Variants in TIAM1 observed in about 807,000 individuals in gnomAD.
TIAM1 encodes the protein rho guanine nucleotide exchange factor TIAM1.
TIAM1 carries 65 observed loss-of-function variants against 163.5 expected under a neutral mutation model. The ratio of observed to expected loss-of-function variants is 0.40; its 90% CI spans 0.33 to 0.49. The LOEUF (loss-of-function observed/expected upper bound fraction) is 0.49. Among genes scored for constraint, TIAM1 ranks in the 20% least tolerant of loss-of-function variants. TIAM1 has a pLI of 0.77. For missense variants in TIAM1, 1,789 were observed against 2,044.7 expected, an observed-to-expected ratio of 0.87 and a Z score of 2.41; for synonymous variants, 833 against 810.1, an observed-to-expected ratio of 1.03 and a Z score of -0.48.
intron 2 of TIAM1, among the ~76,000 whole-genome samples, chr21:31,413,431 G>A (rs372907698): frequency 6.5e-4 from 98 of 151,884 alleles, no homozygotes; most frequent in African/African-American, 2.2e-3. Context: ...CAACATGCCC[G>A]GCTAATTTTT....
At chr21:31,480,314 CTTTG>C (rs1472007375) in intron 1 of TIAM1, among the ~76,000 whole-genome samples, 2 of 152,196 alleles carry the variant, frequency 1.3e-5, no homozygotes, top group Non-Finnish European at 1.5e-5. Flanking sequence ...CACTGGCCCA[CTTTG>C]TTTATTTCTT....
intron 20 of TIAM1, among the ~76,000 whole-genome samples, chr21:31,144,370 T>C (rs982566507): frequency 2.0e-5 from 3 of 152,220 alleles, no homozygotes; most frequent in Non-Finnish European, 4.4e-5. Flanking sequence ...ATTTCACCCA[T>C]CGACTGAATT....
At chr21:31,430,831 A>G (rs567351153) in intron 2 of TIAM1, among the ~76,000 whole-genome samples, 1 of 152,280 alleles carries the variant, frequency 6.6e-6, no homozygotes, top group Non-Finnish European at 1.5e-5. Context: ...CTAATTTAAA[A>G]AAGCCTCTAT....
At chr21:31,326,719 G>C (rs1170372443) in intron 2 of TIAM1, among the ~76,000 whole-genome samples, 1 of 152,106 alleles carries the variant, frequency 6.6e-6, no homozygotes, top group Non-Finnish European at 1.5e-5. Context: ...TGTTACCCAG[G>C]GGCAATCCCC....
intron 9 of TIAM1, 116 bp downstream of exon 9, chr21:31,217,437 C>T: frequency 7.1e-7 from 1 of 1,400,684 alleles, no homozygotes; most frequent in Non-Finnish European, 9.7e-7. Flanking sequence ...TTCTTTGTGC[C>T]AACTAGTTGA....
At chr21:31,328,311 G>A (rs1248722718) in intron 2 of TIAM1, among the ~76,000 whole-genome samples, 3 of 152,106 alleles carry the variant, frequency 2.0e-5, no homozygotes, top group Non-Finnish European at 2.9e-5. Flanking sequence ...TCAACCAACC[G>A]TAGATCAAAA....
intron 5 of TIAM1, among the ~76,000 whole-genome samples, chr21:31,248,841 GT>G (rs1178736845): frequency 6.6e-6 from 1 of 152,006 alleles, no homozygotes; most frequent in African/African-American, 2.4e-5. Flanking sequence ...CACCAAGAAA[GT>G]AAAGACTCCC....
At chr21:31,260,157 T>A (rs1404709942) in intron 4 of TIAM1, among the ~76,000 whole-genome samples, 1 of 147,382 alleles carries the variant, frequency 6.8e-6, no homozygotes, top group Non-Finnish European at 1.5e-5. Context: ...CCTAGGCTGG[T>A]CAAAAAATAT....
intron 10 of TIAM1, among the ~76,000 whole-genome samples, chr21:31,211,457 T>C (rs1430874361): frequency 6.6e-6 from 1 of 152,218 alleles, no homozygotes; most frequent in African/African-American, 2.4e-5. Context: ...TTGGTAAATA[T>C]GTATCTACTG....
At chr21:31,383,135 G>C (rs1453753973) in intron 2 of TIAM1, among the ~76,000 whole-genome samples, 2 of 152,080 alleles carry the variant, frequency 1.3e-5, no homozygotes, top group Non-Finnish European at 2.9e-5. Context: ...AGCTACTCGG[G>C]AGACTGAGGC....
In TIAM1 at chr21:31,446,934, T is replaced by C. The variant is rs144878194; in HGVS notation, c.-369+17049A>G. Among the ~76,000 whole-genome samples, 500 of 152,298 alleles carry C rather than the reference T, an allele frequency of 3.3e-3. 1 individual carries two copies. The highest frequency in any genetic ancestry group is 6.0e-3 in the Non-Finnish European group (411 of 68,014). ...GAAGAAAGTAGGGTAGCTGGAGACA[T>C]TCTTGGAAATTCTGGTTTGCAAAAC... On this transcript the variant is annotated intron_variant, in intron 2 of 28. Coordinates refer to the TIAM1 transcript ENST00000286827.
chr21:31,546,064 A>C (rs1240866283), intron 1 of TIAM1, among the ~76,000 whole-genome samples: 5 of 120,238 alleles, frequency 4.2e-5, no homozygotes, highest in African/African-American at 2.0e-4. Flanking sequence ...AAATTGTTTT[A>C]ATTTATTTTA....
intron 1 of TIAM1, among the ~76,000 whole-genome samples, chr21:31,514,562 C>T (rs1438498425): frequency 6.6e-6 from 1 of 151,674 alleles, no homozygotes; most frequent in South Asian, 2.1e-4. Flanking sequence ...GTGGCAGGCA[C>T]CACACCTGTA....
At chr21:31,143,926 G>C (rs1248744860) in intron 20 of TIAM1, among the ~76,000 whole-genome samples, 2 of 151,904 alleles carry the variant, frequency 1.3e-5, no homozygotes, top group Non-Finnish European at 2.9e-5. Context: ...TAGAGACGGA[G>C]TTTCACCATG....
At chr21:31,298,735 G>GGGGT (rs1555923380) in intron 2 of TIAM1, among the ~76,000 whole-genome samples, 5 of 138,482 alleles carry the variant, frequency 3.6e-5, no homozygotes, top group Non-Finnish European at 6.1e-5. Context: ...TCCAATTGAG[G>GGGGT]GTGTGTGTGT....
chr21:31,370,869 T>C (rs753171061), intron 2 of TIAM1, among the ~76,000 whole-genome samples: 4 of 152,182 alleles, frequency 2.6e-5, no homozygotes, highest in Non-Finnish European at 4.4e-5. Flanking sequence ...CTGGCAGCAG[T>C]AGGCTATAGC....
At chr21:31,265,525 G>A (rs2072708465) in intron 4 of TIAM1, among the ~76,000 whole-genome samples, 2 of 151,912 alleles carry the variant, frequency 1.3e-5, no homozygotes, top group Non-Finnish European at 2.9e-5. Flanking sequence ...GCCAACCACC[G>A]AGAGAAGCTG....
At chr21:31,184,130 G>A (rs7276158) in intron 14 of TIAM1, among the ~76,000 whole-genome samples, 35,792 of 151,628 alleles carry the variant, frequency 0.24, 7,545 homozygotes, top group African/African-American at 0.54. Flanking sequence ...TTTGAGACGG[G>A]GTTTTGCTCT....
Position 31,165,102 on chromosome 21 carries a change from T to C in TIAM1, c.2888-37A>G, listed in dbSNP as rs767038232. On this transcript the variant is annotated intron_variant, in intron 15 of 27. Transcript: ENST00000541036. The stretch of plus-strand genomic sequence containing the variant: ...AATCAGAAGAAAATGTGGGTCAACA[T>C]GGACAGTAATTGCTAAAAGCCACCC... The C allele has an allele frequency of 1.4e-5, 23 of 1,603,046 alleles. 1 individual carries two copies. Among genetic ancestry groups the C allele is most frequent in the South Asian group, 1.4e-4 (13 of 90,798 alleles).
Sources: gnomAD v4.1 joint callset for allele counts (sites outside exome capture counted in the v4.1 genomes callset) on GRCh38, gnomAD v4.1.1 for gene constraint, MANE v1.5 for transcripts, NCBI Gene and HGNC (gene_info 2026-07-23, HGNC 2026-07-21) for gene names.